The following PLEKHG3 variants were observed in gnomAD, a reference collection of about 807,000 sequenced individuals.
The protein encoded by PLEKHG3 is pleckstrin homology and RhoGEF domain containing G3, also known as pleckstrin homology domain-containing family G member 3.
PLEKHG3 carries 62 observed loss-of-function variants against 94.9 expected under a neutral mutation model. The ratio of observed to expected loss-of-function variants is 0.65; its 90% CI spans 0.53 to 0.81. PLEKHG3 has a LOEUF of 0.81. Among genes scored for constraint, PLEKHG3 ranks in the 30% least tolerant of loss-of-function variants. The probability of loss-of-function intolerance (pLI) is 0.00; values close to 1 mark genes in which losing one functional copy is unlikely to be tolerated. For synonymous variants in PLEKHG3, 614 were observed against 654.0 expected (o/e 0.94, Z 0.93); for missense variants, 1,461 against 1,619.3 (o/e 0.90, Z 1.68).
At chr14:64,709,425 A>G (rs2081031580) in intron 1 of PLEKHG3, among the ~76,000 whole-genome samples, 2 of 152,160 alleles carry the variant, frequency 1.3e-5, no homozygotes, top group South Asian at 4.1e-4. Flanking sequence ...ACGTAAGCTC[A>G]AGGAATGGAT....
In PLEKHG3 at chr14:64,739,847, C is replaced by G. The variant is rs1457484232; in HGVS notation, c.1518+992C>G. Among the ~76,000 whole-genome samples the G allele has an allele frequency of 6.6e-6, 1 of 152,192 alleles. No individual in the cohort carries two copies. Among genetic ancestry groups the G allele is most frequent in the Non-Finnish European group, 1.5e-5 (1 of 68,040 alleles). On this transcript the variant is annotated intron_variant, in intron 15 of 16. Coordinates refer to ENST00000247226, the MANE Select transcript of PLEKHG3 (RefSeq NM_001308147.2). This position sits in a 1 kb window ranked among gnomAD's most constrained non-coding sequence, Gnocchi z 4.1. ...GTGACCTAATTTCCCAAAGGCCCCC[C>G]CTCTCATTCCCATCACACTGGGTGT...
intron 12 of PLEKHG3, among the ~76,000 whole-genome samples, chr14:64,735,483 AC>A (rs1379768625): frequency 6.6e-6 from 1 of 151,900 alleles, no homozygotes; most frequent in Admixed American, 6.6e-5. Context: ...GGTGGTGTGC[AC>A]CTATAGTCCT....
chr14:64,743,389 C>G lies in PLEKHG3; in HGVS notation c.3346C>G (p.Pro1116Ala). Reference sequence around the variant, plus strand: ...GGGAGGCGGAGAGGCTGCCCAATCCCCTGGGCCTCTGCCCCAGAGCAAGCC... The same window carrying G: ...GGGAGGCGGAGAGGCTGCCCAATCCGCTGGGCCTCTGCCCCAGAGCAAGCC... ...GRGGGEAAQSPGPLPQSKPDG... is the reference protein window; with the variant it reads ...GRGGGEAAQSAGPLPQSKPDG... The change falls in exon 17 of 17, where the codon CCT (proline) becomes GCT (alanine). Residue 1116 changes from proline to alanine, a missense_variant. Physicochemically the swap from Pro to Ala is conservative, Grantham distance 27. Transcript: ENST00000247226. The surrounding 1 kb of genome is among the most constrained non-coding windows in gnomAD (Gnocchi z 7.2). 1 of 1,609,228 alleles carries G rather than the reference C, an allele frequency of 6.2e-7. No homozygotes were observed. Among genetic ancestry groups the G allele is most frequent in the African/African-American group, 1.3e-5 (1 of 74,996 alleles).
At chr14:64,705,328 T>G (rs1045419018) in intron 1 of PLEKHG3, among the ~76,000 whole-genome samples, 1 of 152,256 alleles carries the variant, frequency 6.6e-6, no homozygotes, top group Non-Finnish European at 1.5e-5. Context: ...AAAGCCAGTA[T>G]AAGGCGTGCA....
At position 64,731,104 on chromosome 14, in the gene PLEKHG3, A is replaced by G; in HGVS notation, c.784A>G (p.Met262Val). ...FEVVEDAIDT[M>V]TCVAWYINDM... ...GGTGGTGGAGGATGCCATTGACACC[A>G]TGACCTGTGTGGCCTGGTACATCAA... Residue 262 changes from methionine to valine, a missense_variant, in exon 7 of 17, where the codon ATG becomes GTG. By Grantham distance (21) the Met-to-Val change is conservative (BLOSUM62 1). Around this residue, in one of 3 missense-constraint regions of PLEKHG3, gnomAD observed 1,201 missense variants for 1,295.5 expected, o/e 0.93. Coordinates refer to ENST00000247226, the MANE Select transcript of PLEKHG3 (RefSeq NM_001308147.2). The surrounding 1 kb of genome is among the most constrained non-coding windows in gnomAD (Gnocchi z 6.1). 1 of 1,612,564 alleles carries G rather than the reference A, an allele frequency of 6.2e-7. No homozygotes were observed. The highest frequency in any genetic ancestry group is 8.5e-7 in the Non-Finnish European group (1 of 1,178,920).
intron 1 of PLEKHG3, among the ~76,000 whole-genome samples, chr14:64,708,065 A>G (rs1430537334): frequency 6.6e-6 from 1 of 152,196 alleles, no homozygotes; most frequent in Non-Finnish European, 1.5e-5. Flanking sequence ...TTCATTTTAG[A>G]TATTGGGCAG....
Position 64,727,848 on chromosome 14 carries a change from G to A in PLEKHG3, c.217G>A (p.Gly73Arg). 6.2e-7 allele frequency: 1 copy of A among 1,613,360 alleles called. No homozygotes were observed. The highest frequency in any genetic ancestry group is 1.1e-5 in the South Asian group (1 of 91,074). ...NNSSSWLNVK[G>R]PLSPFNSRAA... ...CTCCAGCAGCTGGTTGAACGTGAAGGGGCCCCTCTCCCCGTTCAACAGCCG... is the reference window on the plus strand; with the variant it reads ...CTCCAGCAGCTGGTTGAACGTGAAGAGGCCCCTCTCCCCGTTCAACAGCCG... Residue 73 changes from glycine (G) to arginine (R), a missense_variant, in exon 2 of 17, where the codon GGG (glycine) becomes AGG (arginine). By Grantham distance (125) the Gly-to-Arg change is moderately radical. This residue lies in a region of PLEKHG3 where 253 missense variants were observed against 297.8 expected (regional missense o/e 0.85). Coordinates refer to ENST00000247226, the MANE Select transcript of PLEKHG3 (RefSeq NM_001308147.2). The surrounding 1 kb of genome is among the most constrained non-coding windows in gnomAD (Gnocchi z 6.0).
intron 1 of PLEKHG3, among the ~76,000 whole-genome samples, chr14:64,719,231 T>C (rs2081221898): frequency 6.6e-6 from 1 of 152,188 alleles, no homozygotes; most frequent in Non-Finnish European, 1.5e-5. Context: ...GTTTAACTTG[T>C]ATCATTATTA....
chr14:64,719,517 G>T (rs1038205868), intron 1 of PLEKHG3, among the ~76,000 whole-genome samples: 7 of 151,990 alleles, frequency 4.6e-5, no homozygotes, highest in Non-Finnish European at 1.0e-4. Flanking sequence ...GCCACATACA[G>T]CCAGGAAAAG....
Position 64,749,238 on chromosome 14 carries a change from G to C in PLEKHG3, c.*5535G>C. 1 of 1,520,452 alleles carries C rather than the reference G, an allele frequency of 6.6e-7. No homozygotes were observed. Among genetic ancestry groups the C allele is most frequent in the Admixed American group, 2.0e-5 (1 of 50,832 alleles). 94.2% of individuals were successfully genotyped at this position (1,520,452 alleles called of 1,614,324 possible). ...ATTCGACCGGCGGGCGGCGGCGAGA[G>C]GAGGCCAAGGCCTGGGCTGCCCGGT... On this transcript the variant is annotated 3_prime_UTR_variant, in exon 17 of 17. Coordinates refer to ENST00000247226, the MANE Select transcript of PLEKHG3 (RefSeq NM_001308147.2). This position sits in a 1 kb window ranked among gnomAD's most constrained non-coding sequence, Gnocchi z 4.7.
chr14:64,737,331 G>A, intron 13 of PLEKHG3, 25 bp from the exon 14 acceptor site: 1 of 1,602,212 alleles, frequency 6.2e-7, no homozygotes, highest in Middle Eastern at 1.7e-4. Flanking sequence ...CCGTGTGCTG[G>A]GGGACCCGGT....
chr14:64,719,842 C>T (rs776884888), intron 1 of PLEKHG3, among the ~76,000 whole-genome samples: 2 of 152,198 alleles, frequency 1.3e-5, no homozygotes, highest in African/African-American at 2.4e-5. Flanking sequence ...GGGCTGGGTT[C>T]TTGAACTTTG....
In PLEKHG3 at chr14:64,732,032, A is replaced by G. The variant is rs2081477103; in HGVS notation, c.1126-63A>G. 3 of 1,252,050 alleles carry G rather than the reference A, an allele frequency of 2.4e-6. No homozygotes were observed. The highest frequency in any genetic ancestry group is 3.4e-5 in the Admixed American group (2 of 59,502). The allele number at this position is 1,252,050 out of a possible 1,614,324, so 77.6% of individuals were successfully genotyped here. ...TTCTCCCTGGGTGGAAGCACTGTCC[A>G]TGCTAGACAGCTTCAGGCCTGTAAT... On this transcript the variant is annotated intron_variant, in intron 9 of 16. Coordinates refer to ENST00000247226, the MANE Select transcript of PLEKHG3 (RefSeq NM_001308147.2). This position sits in a 1 kb window ranked among gnomAD's most constrained non-coding sequence, Gnocchi z 4.9.
At chr14:64,710,828 G>A (rs1161972235) in intron 1 of PLEKHG3, among the ~76,000 whole-genome samples, 1 of 151,328 alleles carries the variant, frequency 6.6e-6, no homozygotes, top group African/African-American at 2.4e-5. Flanking sequence ...TTTTTTTTTG[G>A]AGGGAGGGGG....
chr14:64,727,752 A>G lies in PLEKHG3; in HGVS notation c.121A>G (p.Ser41Gly), dbSNP rs2081379980. ...TCGCAGTGCCATGGAGGAGCCCAGCAGCTCCGAGGCTCCCGCCAAGAATGG... is the reference window on the plus strand; with the variant it reads ...TCGCAGTGCCATGGAGGAGCCCAGCGGCTCCGAGGCTCCCGCCAAGAATGG... ...DSRSAMEEPS[S>G]SEAPAKNGAG... The change falls in exon 2 of 17, where the codon AGC becomes GGC. Residue 41 changes from serine to glycine, a missense_variant. By Grantham distance (56) the Ser-to-Gly change is moderately conservative. Coordinates refer to ENST00000247226, the MANE Select transcript of PLEKHG3 (RefSeq NM_001308147.2). The surrounding 1 kb of genome is among the most constrained non-coding windows in gnomAD (Gnocchi z 6.0). 1 of 1,611,418 alleles carries G rather than the reference A, an allele frequency of 6.2e-7. No individual in the cohort carries two copies. The highest frequency in any genetic ancestry group is 1.7e-5 in the Admixed American group (1 of 59,986).
In PLEKHG3 at chr14:64,715,236, A is replaced by G. The variant is rs2081121099; in HGVS notation, c.-40+10532A>G. On this transcript the variant is annotated intron_variant, in intron 1 of 16. Transcript: ENST00000247226. This position sits in a 1 kb window ranked among gnomAD's most constrained non-coding sequence, Gnocchi z 4.4. Reference sequence around the variant, plus strand: ...TACTTGTAAAAAAAGCAAAAAGTGCATGAGAGCATTCCTATGAGGTAGGGT... The same window carrying G: ...TACTTGTAAAAAAAGCAAAAAGTGCGTGAGAGCATTCCTATGAGGTAGGGT... 6.6e-6 allele frequency among the ~76,000 whole-genome samples: 1 copy of G among 152,196 alleles called. No individual in the cohort carries two copies. Among genetic ancestry groups the G allele is most frequent in the Non-Finnish European group, 1.5e-5 (1 of 68,028 alleles).
rs151279030 is a variant in PLEKHG3 at position 64,738,759 on chromosome 14, G to A, written c.1422G>A (p.Glu474=). ...AAGMKGKGRR[E]SESSRSSRRP... is the part of the protein sequence containing the mutation. ...CTCTGCAGGGAAAGGGGCGCAGGGA[G>A]TCTGAAAGCTCCAGGAGCAGCAGAA... The change falls in exon 15 of 17, where the codon GAG becomes GAA. Residue 474 remains glutamate, a synonymous_variant. Transcript: ENST00000247226. The surrounding 1 kb of genome is among the most constrained non-coding windows in gnomAD (Gnocchi z 4.8). The A allele has an allele frequency of 1.0e-5, 16 of 1,591,812 alleles. No homozygotes were observed. The African/African-American group carries it at 1.9e-4, about 19-fold the overall frequency.
Position 64,742,236 on chromosome 14 carries a change from A to G in PLEKHG3, c.2719A>G (p.Ile907Val), listed in dbSNP as rs368266714. 6.2e-7 allele frequency: 1 copy of G among 1,613,050 alleles called. No individual in the cohort carries two copies. The highest frequency in any genetic ancestry group is 1.1e-5 in the South Asian group (1 of 91,088). ...GCTGGTGGCCCCACTGCACCCCCGC[A>G]TCGTGCAGCTCTCCCACGTAATGGA... ...GELVAPLHPR[I>V]VQLSHVMDSH... The change falls in exon 16 of 17, where the codon ATC becomes GTC. Residue 907 changes from isoleucine (I) to valine (V), a missense_variant. Coordinates refer to ENST00000247226, the MANE Select transcript of PLEKHG3 (RefSeq NM_001308147.2).
Position 64,738,920 on chromosome 14 carries a change from C to A in PLEKHG3, c.1518+65C>A. ...CTTGGAGTCCAGATTTTCAAGTCTGCAAATAGGGCTTTCAGGCACAGGCTC... is the reference window on the plus strand; with the variant it reads ...CTTGGAGTCCAGATTTTCAAGTCTGAAAATAGGGCTTTCAGGCACAGGCTC... On this transcript the variant is annotated intron_variant, in intron 15 of 16. Coordinates refer to ENST00000247226, the MANE Select transcript of PLEKHG3 (RefSeq NM_001308147.2). This position sits in a 1 kb window ranked among gnomAD's most constrained non-coding sequence, Gnocchi z 4.8. 9.9e-7 allele frequency: 1 copy of A among 1,008,854 alleles called. No individual in the cohort carries two copies. The highest frequency in any genetic ancestry group is 1.5e-6 in the Non-Finnish European group (1 of 653,190). The allele number at this position is 1,008,854 out of a possible 1,614,324, so 62.5% of individuals were successfully genotyped here. A position where few individuals can be genotyped will look rare whatever the true frequency, so the allele number is the denominator to read the frequency against.
Sources: allele counts gnomAD v4.1 joint callset (sites outside exome capture counted in the v4.1 genomes callset), GRCh38; gene constraint gnomAD v4.1.1; regional missense constraint gnomAD v4.1.1; non-coding constraint Gnocchi (gnomAD v3.1); transcripts MANE v1.5; gene names NCBI Gene and HGNC (gene_info 2026-07-23, HGNC 2026-07-21).